DIAPH3: variants seen among roughly 807,000 people sequenced by gnomAD.
The protein encoded by DIAPH3 is protein diaphanous homolog 3.
In DIAPH3, 117 loss-of-function variants were observed where a neutral mutation model predicts 144.3. The ratio of observed to expected loss-of-function variants is 0.81; its 90% CI spans 0.70 to 0.95. The LOEUF is 0.95. DIAPH3 is among the 40% of genes least tolerant of loss of function. DIAPH3 has a pLI of 0.00. For synonymous variants in DIAPH3, 519 were observed against 488.9 expected (o/e 1.06, Z -0.81); for missense variants, 1,421 against 1,412.7 (o/e 1.01, Z -0.09).
intron 24 of DIAPH3, among the ~76,000 whole-genome samples, chr13:59,830,427 T>C (rs2139703483): frequency 6.6e-6 from 1 of 151,900 alleles, no homozygotes; most frequent in East Asian, 1.9e-4. Flanking sequence ...TACTATTCTT[T>C]AGATTTAATA....
intron 4 of DIAPH3, among the ~76,000 whole-genome samples, chr13:60,058,877 A>G (rs181892354): frequency 2.0e-5 from 3 of 152,112 alleles, no homozygotes; most frequent in South Asian, 4.1e-4. Context: ...ACAGCGTGGT[A>G]TAATAAATAC....
chr13:59,809,681 T>C (rs560791988), intron 25 of DIAPH3, among the ~76,000 whole-genome samples: 1 of 152,252 alleles, frequency 6.6e-6, no homozygotes, highest in South Asian at 2.1e-4. Flanking sequence ...ATTTCAAATA[T>C]AAACAAGAAA....
At chr13:59,762,956 C>A (rs571258938) in intron 27 of DIAPH3, among the ~76,000 whole-genome samples, 174 of 152,122 alleles carry the variant, frequency 1.1e-3, no homozygotes, top group African/African-American at 4.1e-3. Context: ...TGGGAAGATG[C>A]AGTAAGAAGG....
chr13:59,963,839 T>C (rs535582516), intron 17 of DIAPH3, among the ~76,000 whole-genome samples: 18 of 152,190 alleles, frequency 1.2e-4, no homozygotes, highest in Non-Finnish European at 1.9e-4. Flanking sequence ...ATTAGAGGCA[T>C]GAGCCATTGT....
At chr13:59,912,779 A>G (rs904794643) in intron 19 of DIAPH3, among the ~76,000 whole-genome samples, 1 of 152,174 alleles carries the variant, frequency 6.6e-6, no homozygotes, top group African/African-American at 2.4e-5. Context: ...CATGCTATAT[A>G]TATTTATGGG....
At chr13:59,912,490 A>T (rs910618337) in intron 19 of DIAPH3, among the ~76,000 whole-genome samples, 1 of 152,172 alleles carries the variant, frequency 6.6e-6, no homozygotes, top group African/African-American at 2.4e-5. Context: ...TAAGTAAGCC[A>T]CACACTTAAA....
At chr13:59,797,278 T>G (rs1246999526) in intron 25 of DIAPH3, among the ~76,000 whole-genome samples, 1 of 152,214 alleles carries the variant, frequency 6.6e-6, no homozygotes, top group East Asian at 1.9e-4. Flanking sequence ...TATATGCCCA[T>G]GAGGGCCGGG....
At chr13:60,059,042 AATTAG>A (rs1195437828) in intron 4 of DIAPH3, among the ~76,000 whole-genome samples, 2 of 151,910 alleles carry the variant, frequency 1.3e-5, no homozygotes, top group Admixed American at 6.6e-5. Context: ...TAAAAATATT[AATTAG>A]ATTAAAAACT....
At chr13:59,801,567 T>C (rs1471988956) in intron 25 of DIAPH3, among the ~76,000 whole-genome samples, 1 of 152,234 alleles carries the variant, frequency 6.6e-6, no homozygotes, top group Non-Finnish European at 1.5e-5. Context: ...AGTTCTATGA[T>C]GGCAATTCAC....
chr13:59,982,555 C>G (rs890312945), intron 13 of DIAPH3, among the ~76,000 whole-genome samples: 1 of 151,426 alleles, frequency 6.6e-6, no homozygotes, highest in South Asian at 2.1e-4. Context: ...AGAAACATAA[C>G]CCTGCACAGA....
At chr13:60,074,181 G>A (rs765546090) in intron 4 of DIAPH3, among the ~76,000 whole-genome samples, 1 of 152,020 alleles carries the variant, frequency 6.6e-6, no homozygotes, top group Non-Finnish European at 1.5e-5. Flanking sequence ...ACACTGTCCT[G>A]GCAATAATTC....
intron 14 of DIAPH3, among the ~76,000 whole-genome samples, chr13:59,975,222 C>A (rs2050608308): frequency 2.6e-5 from 4 of 151,530 alleles, no homozygotes; most frequent in South Asian, 4.2e-4. Context: ...AAAAATCAAT[C>A]AAAAAAATGC....
chr13:60,027,031 G>A (rs755827895), intron 5 of DIAPH3, among the ~76,000 whole-genome samples: 2 of 152,152 alleles, frequency 1.3e-5, no homozygotes, highest in Non-Finnish European at 2.9e-5. Flanking sequence ...CTTTAATACT[G>A]TATAATATCT....
rs117091014 is a variant in DIAPH3 at position 60,022,465 on chromosome 13, T to C, written c.627-6320A>G. ...TGGGGCTGCAGGAAACTGAGGAGTT[T>C]AAAACCACAAATATATTATCTTGTA... On this transcript the variant is annotated intron_variant, in intron 5 of 27. Coordinates refer to ENST00000400324, the MANE Select transcript of DIAPH3 (RefSeq NM_001042517.2). 2.2e-3 allele frequency among the ~76,000 whole-genome samples: 333 copies of C among 152,316 alleles called. 8 individuals are homozygous for C. The East Asian group carries it at 0.053, about 24-fold the overall frequency.
At chr13:59,719,292 C>T (rs887791627) in intron 27 of DIAPH3, among the ~76,000 whole-genome samples, 1 of 152,174 alleles carries the variant, frequency 6.6e-6, no homozygotes, top group Non-Finnish European at 1.5e-5. Flanking sequence ...AAGAGAGCCA[C>T]ATTTTTACTT....
At chr13:60,070,670 T>C (rs2057172741) in intron 4 of DIAPH3, among the ~76,000 whole-genome samples, 1 of 152,148 alleles carries the variant, frequency 6.6e-6, no homozygotes, top group Admixed American at 6.5e-5. Context: ...GCTCAAATTA[T>C]CTCAAGTTAG....
At chr13:59,790,410 G>T (rs191464290) in intron 25 of DIAPH3, among the ~76,000 whole-genome samples, 1 of 152,144 alleles carries the variant, frequency 6.6e-6, no homozygotes, top group South Asian at 2.1e-4. Flanking sequence ...CCATCTCACT[G>T]CTGCCAACCT....
At chr13:59,799,988 A>G (rs1176709351) in intron 25 of DIAPH3, among the ~76,000 whole-genome samples, 1 of 150,334 alleles carries the variant, frequency 6.7e-6, no homozygotes, top group African/African-American at 2.4e-5. Flanking sequence ...CTAATTAATG[A>G]AATGAGATAA....
intron 14 of DIAPH3, among the ~76,000 whole-genome samples, chr13:59,974,963 T>A (rs1022021686): frequency 6.6e-6 from 1 of 151,976 alleles, no homozygotes; most frequent in Non-Finnish European, 1.5e-5. Context: ...CAACATAATA[T>A]CTCCTGATAT....
Sources: gnomAD v4.1 joint callset for allele counts (sites outside exome capture counted in the v4.1 genomes callset) on GRCh38, gnomAD v4.1.1 for gene constraint, MANE v1.5 for transcripts, NCBI Gene and HGNC (gene_info 2026-07-23, HGNC 2026-07-21) for gene names.